The following SLC35F1 variants were observed in gnomAD, a reference collection of about 807,000 sequenced individuals.
The protein encoded by SLC35F1 is chromosome 6 open reading frame 169.
In SLC35F1, 14 loss-of-function variants were observed where a neutral mutation model predicts 48.7. The observed-to-expected ratio is 0.29, with a 90% CI of 0.19 to 0.45. The LOEUF (loss-of-function observed/expected upper bound fraction) is 0.45, where lower values mean the gene tolerates loss of function less well. SLC35F1 is among the 20% of genes least tolerant of loss of function. The pLI, the probability that SLC35F1 is intolerant of heterozygous loss-of-function variation, is 1.00. For missense variants in SLC35F1, 404 were observed against 500.0 expected, an observed-to-expected ratio of 0.81 and a Z score of 1.83; for synonymous variants, 190 against 202.2, an observed-to-expected ratio of 0.94 and a Z score of 0.51.
At chr6:117,926,877 G>A (rs1422476967) in intron 1 of SLC35F1, among the ~76,000 whole-genome samples, 1 of 152,144 alleles carries the variant, frequency 6.6e-6, no homozygotes, top group African/African-American at 2.4e-5. Context: ...CCAGGTAGGA[G>A]ACAGTTGCAG....
intron 1 of SLC35F1, among the ~76,000 whole-genome samples, chr6:118,112,089 TTC>T (rs771571978): frequency 0.026 from 601 of 23,336 alleles, 8 homozygotes; most frequent in African/African-American, 0.055. Context: ...TTTCTTTCTT[TTC>T]TTTTCTTTTC....
intron 2 of SLC35F1, among the ~76,000 whole-genome samples, chr6:118,178,953 T>G (rs929210595): frequency 2.0e-5 from 3 of 152,168 alleles, no homozygotes; most frequent in African/African-American, 7.2e-5. Flanking sequence ...CAATTTTTAA[T>G]GAAGACTTTT....
At chr6:118,128,746 G>A (rs2114417095) in intron 1 of SLC35F1, among the ~76,000 whole-genome samples, 1 of 151,270 alleles carries the variant, frequency 6.6e-6, no homozygotes, top group South Asian at 2.1e-4. Context: ...CAACAGCATG[G>A]CACATGTATA....
Position 118,099,960 on chromosome 6 carries a change from AAGC to A in SLC35F1, c.174-54483_174-54481del, listed in dbSNP as rs527694352. Among the ~76,000 whole-genome samples, 694 of 152,354 alleles carry A rather than the reference AAGC, an allele frequency of 4.6e-3. 5 individuals are homozygous for A. Among genetic ancestry groups the A allele is most frequent in the African/African-American group, 0.015 (637 of 41,586 alleles). On this transcript the variant is annotated intron_variant, in intron 1 of 7. Transcript: ENST00000360388. Reference sequence around the variant, plus strand: ...GTTTCTTGGTTATTTTTTAATAAAAAAGCAACGCATTAGTTTGTGTATAATAAA... The same window carrying A: ...GTTTCTTGGTTATTTTTTAATAAAAAAACGCATTAGTTTGTGTATAATAAA...
At chr6:118,313,875 T>C (rs138776862) in intron 7 of SLC35F1, among the ~76,000 whole-genome samples, 153 bp from the exon 8 acceptor site, 4 of 152,322 alleles carry the variant, frequency 2.6e-5, no homozygotes, top group East Asian at 3.9e-4. Context: ...CAGTTTATGA[T>C]GAGAAAATTC....
At chr6:117,919,038 G>A (rs1366305048) in intron 1 of SLC35F1, among the ~76,000 whole-genome samples, 1 of 152,122 alleles carries the variant, frequency 6.6e-6, no homozygotes, top group East Asian at 1.9e-4. Flanking sequence ...TAAGACTACA[G>A]GTGTGCACCA....
chr6:118,259,610 A>C (rs759358870), intron 3 of SLC35F1, among the ~76,000 whole-genome samples: 3 of 151,202 alleles, frequency 2.0e-5, no homozygotes, highest in Non-Finnish European at 4.4e-5. Flanking sequence ...GCCAATAAGC[A>C]TACTAAAAGG....
intron 2 of SLC35F1, among the ~76,000 whole-genome samples, chr6:118,179,878 C>A (rs1774547324): frequency 6.6e-6 from 1 of 152,020 alleles, no homozygotes. Context: ...TGTTCTAGAA[C>A]CTGGGTTTTA....
intron 1 of SLC35F1, among the ~76,000 whole-genome samples, chr6:118,081,972 T>C (rs1772915573): frequency 6.6e-6 from 1 of 152,314 alleles, no homozygotes; most frequent in Non-Finnish European, 1.5e-5. Flanking sequence ...GGAATGAAAA[T>C]TTCCGTTAAT....
intron 2 of SLC35F1, among the ~76,000 whole-genome samples, chr6:118,164,839 G>A (rs1774294423): frequency 6.6e-6 from 1 of 152,136 alleles, no homozygotes; most frequent in Non-Finnish European, 1.5e-5. Context: ...GTAATTCATA[G>A]AAGGATCAGA....
intron 1 of SLC35F1, among the ~76,000 whole-genome samples, chr6:117,960,443 A>C: frequency 6.6e-6 from 1 of 151,978 alleles, no homozygotes; most frequent in East Asian, 2.0e-4. Context: ...TAGGCTCATC[A>C]TTGATTTGGT....
chr6:118,297,653 A>AT (rs377592182), intron 7 of SLC35F1, among the ~76,000 whole-genome samples: 1 of 120,600 alleles, frequency 8.3e-6, no homozygotes, highest in Non-Finnish European at 1.7e-5. Flanking sequence ...ATATATATAT[A>AT]ATATATATAA....
At chr6:117,926,729 G>C (rs1012994487) in intron 1 of SLC35F1, among the ~76,000 whole-genome samples, 5 of 152,180 alleles carry the variant, frequency 3.3e-5, no homozygotes, top group African/African-American at 1.2e-4. Context: ...GATCATGCAG[G>C]GCTTTGGAGT....
chr6:118,047,178 C>T (rs933226101), intron 1 of SLC35F1, among the ~76,000 whole-genome samples: 1 of 152,106 alleles, frequency 6.6e-6, no homozygotes, highest in Non-Finnish European at 1.5e-5. Flanking sequence ...GTTTCCTACG[C>T]CATCAATTCC....
intron 1 of SLC35F1, among the ~76,000 whole-genome samples, chr6:117,910,703 T>C (rs1775750719): frequency 6.6e-6 from 1 of 152,172 alleles, no homozygotes; most frequent in Admixed American, 6.5e-5. Flanking sequence ...GCTCCTAGCA[T>C]CCCACTGGGC....
At chr6:118,070,913 T>TATATATACTGTGTATATATATAC in intron 1 of SLC35F1, among the ~76,000 whole-genome samples, 1 of 124,798 alleles carries the variant, frequency 8.0e-6, no homozygotes, top group African/African-American at 2.9e-5. Context: ...TATATATATA[T>TATATATACTGTGTATATATATAC]ACATAGTAAA....
intron 1 of SLC35F1, among the ~76,000 whole-genome samples, chr6:118,070,133 A>G (rs1367567997): frequency 1.2e-5 from 1 of 83,980 alleles, no homozygotes; most frequent in African/African-American, 4.7e-5. Flanking sequence ...ACAGAGCGAG[A>G]CTCCGTCTCA....
chr6:118,286,071 A>C (rs928439115), intron 7 of SLC35F1, among the ~76,000 whole-genome samples: 1 of 152,210 alleles, frequency 6.6e-6, no homozygotes, highest in Non-Finnish European at 1.5e-5. Context: ...TAGAATTGAC[A>C]TATGAGAAGA....
At chr6:118,219,219 T>C (rs1775114648) in intron 2 of SLC35F1, among the ~76,000 whole-genome samples, 1 of 152,206 alleles carries the variant, frequency 6.6e-6, no homozygotes, top group Non-Finnish European at 1.5e-5. Flanking sequence ...AGACCTTAAG[T>C]TCTATGGAAT....
Sources: gnomAD v4.1 joint callset for allele counts (sites outside exome capture counted in the v4.1 genomes callset) on GRCh38, gnomAD v4.1.1 for gene constraint, MANE v1.5 for transcripts, NCBI Gene and HGNC (gene_info 2026-07-23, HGNC 2026-07-21) for gene names.